ZCCHC4: variants seen among roughly 807,000 people sequenced by gnomAD.
ZCCHC4 encodes rRNA N(6)-adenosine-methyltransferase ZCCHC4.
Under a neutral mutation model 67.7 loss-of-function variants are expected in ZCCHC4, and 54 were observed. The ratio of observed to expected loss-of-function variants is 0.80; its 90% CI spans 0.64 to 1.00. The LOEUF is 1.00. Ranked by LOEUF, ZCCHC4 falls within the 50% of genes least tolerant of loss-of-function variation. The pLI is 0.00. For missense variants in ZCCHC4, 609 were observed against 617.0 expected (o/e 0.99, Z 0.14); for synonymous variants, 198 against 213.5 (o/e 0.93, Z 0.63).
At chr4:25,354,933 A>C (rs1577348507) in intron 8 of ZCCHC4, among the ~76,000 whole-genome samples, 3 of 115,896 alleles carry the variant, frequency 2.6e-5, no homozygotes, top group African/African-American at 3.4e-5. Context: ...TTTGGACATC[A>C]CCTGAGATGA....
At chr4:25,327,222 T>C (rs1348935614) in intron 3 of ZCCHC4, among the ~76,000 whole-genome samples, 1 of 152,216 alleles carries the variant, frequency 6.6e-6, no homozygotes, top group African/African-American at 2.4e-5. Context: ...CCTTAGTCAA[T>C]GTCGAGTAGA....
chr4:25,314,037 T>G lies in ZCCHC4; in HGVS notation c.128-9T>G. 6.9e-7 allele frequency: 1 copy of G among 1,443,488 alleles called. No individual in the cohort carries two copies. The highest frequency in any genetic ancestry group is 9.5e-7 in the Non-Finnish European group (1 of 1,049,100). The allele number at this position is 1,443,488 out of a possible 1,614,324, so 89.4% of individuals were successfully genotyped here. On this transcript the variant is annotated splice_polypyrimidine_tract_variant and intron_variant, in intron 1 of 12. Transcript: ENST00000302874. The stretch of plus-strand genomic sequence containing the variant: ...ACACTTTTTTTTTTTTTTTCTATTC[T>G]GGAACTAGGACCCACTCTTCTGTTT...
chr4:25,355,914 GT>G (rs1333413194), intron 8 of ZCCHC4, among the ~76,000 whole-genome samples: 2 of 152,190 alleles, frequency 1.3e-5, no homozygotes, highest in Non-Finnish European at 2.9e-5. Context: ...CTTTGTGTGT[GT>G]GCTGAAATCC....
intron 8 of ZCCHC4, among the ~76,000 whole-genome samples, chr4:25,360,267 C>T (rs2109090880): frequency 6.6e-6 from 1 of 152,362 alleles, no homozygotes; most frequent in Middle Eastern, 3.4e-3. Flanking sequence ...GATGGTGCGG[C>T]TGAGACCGCC....
intron 3 of ZCCHC4, among the ~76,000 whole-genome samples, chr4:25,326,126 G>C (rs1307908683): frequency 6.6e-6 from 1 of 152,194 alleles, no homozygotes; most frequent in East Asian, 1.9e-4. Flanking sequence ...TTAAGCTGTT[G>C]GTGGGGCTAG....
rs12500829 is a variant in ZCCHC4 at position 25,359,424 on chromosome 4, G to C, written c.1012-2435G>C. Among the ~76,000 whole-genome samples the C allele has an allele frequency of 0.017, 2,624 of 152,226 alleles. 99 individuals are homozygous for C. The highest frequency in any genetic ancestry group is 0.15 in the East Asian group (778 of 5,156). On this transcript the variant is annotated intron_variant, in intron 8 of 12. Coordinates refer to ENST00000302874, the MANE Select transcript of ZCCHC4 (RefSeq NM_024936.3). This position sits in a 1 kb window ranked among gnomAD's most constrained non-coding sequence, Gnocchi z 4.9. ...CACAGGCGGGGCACCTGGAGGCTCGGCTACAGAGCTTGGAAAAGGAATTAG... is the reference window on the plus strand; with the variant it reads ...CACAGGCGGGGCACCTGGAGGCTCGCCTACAGAGCTTGGAAAAGGAATTAG...
At chr4:25,350,325 A>G (rs564522749) in intron 7 of ZCCHC4, among the ~76,000 whole-genome samples, 12 of 147,164 alleles carry the variant, frequency 8.2e-5, no homozygotes, top group African/African-American at 3.0e-4. Context: ...CAGTGGTACA[A>G]TCTCGGCTCA....
At chr4:25,320,325 C>T (rs1199246791) in intron 3 of ZCCHC4, among the ~76,000 whole-genome samples, 1 of 152,138 alleles carries the variant, frequency 6.6e-6, no homozygotes, top group African/African-American at 2.4e-5. Context: ...AATTTATGTG[C>T]ATCCAAATAG....
At chr4:25,315,212 T>A in intron 2 of ZCCHC4, 106 bp from the exon 3 acceptor site, 1 of 953,194 alleles carries the variant, frequency 1.0e-6, no homozygotes, top group Non-Finnish European at 1.5e-6. Flanking sequence ...GAATGCCTGT[T>A]GAGTTGGTTG....
intron 3 of ZCCHC4, among the ~76,000 whole-genome samples, chr4:25,316,831 A>G (rs184967404): frequency 1.1e-3 from 167 of 152,098 alleles, no homozygotes; most frequent in East Asian, 7.9e-3. Flanking sequence ...CAATTTATCA[A>G]TTTTTTTTGT....
In ZCCHC4 at chr4:25,328,111, T is replaced by G. The variant is rs572686987; in HGVS notation, c.330-5072T>G. Among the ~76,000 whole-genome samples, 15 of 152,338 alleles carry G rather than the reference T, an allele frequency of 9.8e-5. No individual in the cohort carries two copies. The South Asian group carries it at 1.5e-3, about 15-fold the overall frequency. On this transcript the variant is annotated intron_variant, in intron 3 of 12. Transcript: ENST00000302874. ...TGGCCTCATGAAATGAATTGGTAAG[T>G]GTTCTCTCTTCAGTTTTTTGAAAGA...
chr4:25,351,936 T>G (rs1402495772), intron 8 of ZCCHC4: 5 of 1,131,430 alleles, frequency 4.4e-6, no homozygotes, highest in Non-Finnish European at 5.4e-6. Context: ...CAAGAAAAAA[T>G]ATCTCACCAA....
intron 12 of ZCCHC4, among the ~76,000 whole-genome samples, chr4:25,367,433 C>T (rs984627918): frequency 1.3e-5 from 2 of 152,118 alleles, no homozygotes; most frequent in African/African-American, 4.8e-5. Context: ...AGTGAAAGTT[C>T]ATTCATTTTT....
chr4:25,323,983 A>G (rs1333877834), intron 3 of ZCCHC4, among the ~76,000 whole-genome samples: 5 of 138,862 alleles, frequency 3.6e-5, no homozygotes, highest in Non-Finnish European at 7.6e-5. Flanking sequence ...GTTTATATAA[A>G]GGTAATCGTA....
chr4:25,315,175 T>G, intron 2 of ZCCHC4, 143 bp from the exon 3 acceptor site: 2 of 638,504 alleles, frequency 3.1e-6, no homozygotes, highest in Middle Eastern at 3.1e-4. Flanking sequence ...TTTTCCCAGT[T>G]TTCGCTGTTT....
rs1577744667 is a variant in ZCCHC4 at position 25,339,811 on chromosome 4, A to T, written c.687-5737A>T. ...CCTAATCCAATGAGTGTCTATACCC[A>T]TGTTTTCATCAAAGAGTTTTATAAT... On this transcript the variant is annotated intron_variant, in intron 5 of 12. Coordinates refer to ENST00000302874, the MANE Select transcript of ZCCHC4 (RefSeq NM_024936.3). Among the ~76,000 whole-genome samples the T allele has an allele frequency of 3.3e-5, 5 of 151,270 alleles. No homozygotes were observed. In the South Asian group the frequency reaches 1.0e-3, roughly 32 times the overall value.
chr4:25,347,801 G>A (rs984485180), intron 6 of ZCCHC4, among the ~76,000 whole-genome samples: 4 of 152,170 alleles, frequency 2.6e-5, no homozygotes, highest in Admixed American at 2.6e-4. Flanking sequence ...AATGTCATCT[G>A]CCTTAATGGC....
chr4:25,321,761 T>C (rs1017441797), intron 3 of ZCCHC4, among the ~76,000 whole-genome samples: 8 of 152,124 alleles, frequency 5.3e-5, no homozygotes, highest in Non-Finnish European at 1.2e-4. Flanking sequence ...GTGATCCTCC[T>C]GCCTCAGCCT....
At chr4:25,340,388 G>C (rs1373651453) in intron 5 of ZCCHC4, among the ~76,000 whole-genome samples, 1 of 152,136 alleles carries the variant, frequency 6.6e-6, no homozygotes, top group African/African-American at 2.4e-5. Flanking sequence ...ACACAGTCAT[G>C]ATTACTGTTG....
Sources: gnomAD v4.1 joint callset for allele counts (sites outside exome capture counted in the v4.1 genomes callset) on GRCh38, gnomAD v4.1.1 for gene constraint, Gnocchi (gnomAD v3.1) non-coding constraint, MANE v1.5 for transcripts, NCBI Gene and HGNC (gene_info 2026-07-23, HGNC 2026-07-21) for gene names.